Variants in SNX29 observed in about 807,000 individuals in gnomAD.
The protein encoded by SNX29 is sorting nexin-29.
Under a neutral mutation model 102.1 loss-of-function variants are expected in SNX29, and 78 were observed. That is an observed-to-expected ratio of 0.76 (90% CI 0.64 to 0.92). The LOEUF (loss-of-function observed/expected upper bound fraction) is 0.92. Among genes scored for constraint, SNX29 ranks in the 40% least tolerant of loss-of-function variants. SNX29 has a pLI of 0.00. For synonymous variants in SNX29, 580 were observed against 414.5 expected (o/e 1.40, Z -4.85); for missense variants, 1,280 against 1,061.7 (o/e 1.21, Z -2.86).
In SNX29 at chr16:12,135,937, G is replaced by A. The variant is rs556337376; in HGVS notation, c.1595+6179G>A. 4.6e-5 allele frequency among the ~76,000 whole-genome samples: 7 copies of A among 152,296 alleles called. No homozygotes were observed. In the South Asian group the frequency reaches 6.2e-4, roughly 14 times the overall value. On this transcript the variant is annotated intron_variant, in intron 13 of 20. Transcript: ENST00000566228. ...CAAGGTGGTGGAGAAAGTGTTCCTC[G>A]GGGGGAGCCCCTTGGACTGCTTCTC...
chr16:12,048,418 G>T lies in SNX29; in HGVS notation c.546G>T (p.Leu182Phe). The T allele has an allele frequency of 6.2e-7, 1 of 1,613,870 alleles. No individual in the cohort carries two copies. Among genetic ancestry groups the T allele is most frequent in the Non-Finnish European group, 8.5e-7 (1 of 1,179,838 alleles). Residue 182 changes from leucine (L) to phenylalanine (F), a missense_variant, in exon 7 of 21, where the codon TTG becomes TTT. Leu to Phe is a conservative substitution (Grantham distance 22, BLOSUM62 0). Coordinates refer to ENST00000566228, the MANE Select transcript of SNX29 (RefSeq NM_032167.5). ...LFAINIDNKD[L>F]NGQSKFAPTV... ...CGATTAACATCGACAACAAGGATTT[G>T]AACGGGCAGAGTAAGTTTGCTCCCA... is the stretch of plus-strand genomic sequence containing the variant.
intron 13 of SNX29, among the ~76,000 whole-genome samples, chr16:12,197,586 A>G (rs2076809004): frequency 6.6e-6 from 1 of 151,654 alleles, no homozygotes; most frequent in South Asian, 2.1e-4. Context: ...CAAAAGAAAC[A>G]AAAAAACACA....
chr16:12,282,213 G>A (rs2079457115), intron 15 of SNX29, among the ~76,000 whole-genome samples: 1 of 151,894 alleles, frequency 6.6e-6, no homozygotes, highest in Non-Finnish European at 1.5e-5. Context: ...AGGTTAACTT[G>A]ACGGAAGAGA....
intron 15 of SNX29, among the ~76,000 whole-genome samples, chr16:12,316,353 G>A (rs2080737799): frequency 6.6e-6 from 1 of 152,150 alleles, no homozygotes; most frequent in African/African-American, 2.4e-5. Context: ...GATCATCCTG[G>A]CCAACATGGG....
chr16:12,473,070 G>C (rs2087434523), intron 18 of SNX29, among the ~76,000 whole-genome samples: 1 of 152,050 alleles, frequency 6.6e-6, no homozygotes, highest in Non-Finnish European at 1.5e-5. Flanking sequence ...AATTGGAGCT[G>C]ATCGAACTTA....
chr16:12,136,297 T>C (rs1426161701), intron 13 of SNX29, among the ~76,000 whole-genome samples: 2 of 152,332 alleles, frequency 1.3e-5, no homozygotes, highest in East Asian at 3.9e-4. Flanking sequence ...ACCCTGTTGA[T>C]GCGTCACGGT....
chr16:12,034,614 G>T (rs1436624107), intron 4 of SNX29, among the ~76,000 whole-genome samples: 1 of 152,166 alleles, frequency 6.6e-6, no homozygotes, highest in South Asian at 2.1e-4. Context: ...TGGGCCAGTG[G>T]CTATTTACTA....
intron 3 of SNX29, among the ~76,000 whole-genome samples, chr16:12,007,461 C>T (rs1211714232): frequency 6.6e-6 from 1 of 152,196 alleles, no homozygotes; most frequent in Non-Finnish European, 1.5e-5. Context: ...GCCGAGATCA[C>T]ACCGTTGCAA....
intron 13 of SNX29, among the ~76,000 whole-genome samples, chr16:12,179,079 A>G (rs2076324252): frequency 1.3e-5 from 2 of 152,212 alleles, no homozygotes; most frequent in Non-Finnish European, 2.9e-5. Context: ...GTATTTTAAA[A>G]TTGTGTTTGT....
intron 16 of SNX29, among the ~76,000 whole-genome samples, chr16:12,377,516 T>G (rs2082919981): frequency 6.6e-6 from 1 of 152,104 alleles, no homozygotes; most frequent in Non-Finnish European, 1.5e-5. Context: ...GGAGGGGCAG[T>G]CTCCCAGGCT....
At chr16:12,547,967 G>A (rs1042463964) in intron 20 of SNX29, among the ~76,000 whole-genome samples, 3 of 152,074 alleles carry the variant, frequency 2.0e-5, no homozygotes, top group Admixed American at 2.0e-4. Context: ...CAGTCTTTTG[G>A]GAGACAGCAT....
At chr16:12,132,951 C>T (rs925944865) in intron 13 of SNX29, among the ~76,000 whole-genome samples, 3 of 152,206 alleles carry the variant, frequency 2.0e-5, no homozygotes, top group Admixed American at 6.5e-5. Context: ...TTGCTTCTGG[C>T]CAGAGTAAAA....
intron 18 of SNX29, among the ~76,000 whole-genome samples, chr16:12,437,406 G>A (rs2085585765): frequency 6.6e-6 from 1 of 152,202 alleles, no homozygotes; most frequent in African/African-American, 2.4e-5. Flanking sequence ...AGGTTCAGAT[G>A]GCTGTGAGGC....
chr16:12,541,790 G>A (rs1457532504), intron 20 of SNX29, among the ~76,000 whole-genome samples: 1 of 152,122 alleles, frequency 6.6e-6, no homozygotes, highest in Non-Finnish European at 1.5e-5. Context: ...CCCCTGGAAT[G>A]GAAAGGTTCA....
At chr16:12,330,494 C>T (rs906544032) in intron 15 of SNX29, among the ~76,000 whole-genome samples, 32 of 152,326 alleles carry the variant, frequency 2.1e-4, no homozygotes, top group South Asian at 4.1e-4. Flanking sequence ...CGCAATGCAT[C>T]TGTGAGCCAC....
intron 20 of SNX29, among the ~76,000 whole-genome samples, chr16:12,566,980 C>T (rs137998351): frequency 6.6e-6 from 1 of 152,236 alleles, no homozygotes; most frequent in Admixed American, 6.5e-5. Context: ...GCACAGTGGC[C>T]ATGTCCCTGG....
chr16:12,561,607 A>C (rs1360607294), intron 20 of SNX29, among the ~76,000 whole-genome samples: 1 of 152,068 alleles, frequency 6.6e-6, no homozygotes, highest in African/African-American at 2.4e-5. Flanking sequence ...GACAGGACAC[A>C]ACGCAGTGTA....
chr16:12,340,509 G>A (rs1001336594), intron 15 of SNX29, among the ~76,000 whole-genome samples: 1 of 152,228 alleles, frequency 6.6e-6, no homozygotes, highest in Admixed American at 6.5e-5. Context: ...GAGACAGAAT[G>A]GGAAGAGCAT....
chr16:12,562,658 C>G (rs117390592), intron 20 of SNX29, among the ~76,000 whole-genome samples: 1 of 152,136 alleles, frequency 6.6e-6, no homozygotes, highest in Admixed American at 6.5e-5. Context: ...TGTTTTATGT[C>G]GGGAAAGTCT....
Sources: allele counts gnomAD v4.1 joint callset (sites outside exome capture counted in the v4.1 genomes callset), GRCh38; gene constraint gnomAD v4.1.1; transcripts MANE v1.5; gene names NCBI Gene and HGNC (gene_info 2026-07-23, HGNC 2026-07-21).